FBXO47: variants seen among roughly 807,000 people sequenced by gnomAD.
FBXO47 encodes F-box protein 47.
Under a neutral mutation model 53.9 loss-of-function variants are expected in FBXO47, and 34 were observed. That is an observed-to-expected ratio of 0.63 (90% CI 0.48 to 0.84). The LOEUF (loss-of-function observed/expected upper bound fraction) is 0.84, where lower values mean the gene tolerates loss of function less well. FBXO47 is among the 40% of genes least tolerant of loss of function. FBXO47 has a pLI of 0.00. For missense variants in FBXO47, 485 were observed against 541.3 expected (o/e 0.90, Z 1.03); for synonymous variants, 165 against 181.6 (o/e 0.91, Z 0.73).
At position 38,945,088 on chromosome 17, in the gene FBXO47, A is replaced by G. The variant is rs368285413; in HGVS notation, c.665T>C (p.Val222Ala). Residue 222 changes from valine to alanine, a missense_variant, in exon 7 of 11, where the codon GTC becomes GCC. By Grantham distance (64) the Val-to-Ala change is moderately conservative. Transcript: ENST00000378079. ...TCGATGTGTCCAATGATCAAGGAGG[A>G]CATTCCTACAGAAGAGTCTGATTCT... ...ELRIRLFCRN[V>A]LLDHWTHRSD... 1 of 1,613,782 alleles carries G rather than the reference A, an allele frequency of 6.2e-7. No individual in the cohort carries two copies. Among genetic ancestry groups the G allele is most frequent in the Non-Finnish European group, 8.5e-7 (1 of 1,179,820 alleles).
chr17:38,946,326 A>C (rs1478354974), intron 6 of FBXO47, among the ~76,000 whole-genome samples: 8 of 96,266 alleles, frequency 8.3e-5, no homozygotes, highest in African/African-American at 3.3e-4. Flanking sequence ...ATATATATAA[A>C]TATATAAATA....
chr17:38,956,735 A>C (rs889606059), intron 4 of FBXO47, among the ~76,000 whole-genome samples: 19 of 152,188 alleles, frequency 1.2e-4, no homozygotes, highest in Non-Finnish European at 2.8e-4. Flanking sequence ...AAACATATTA[A>C]TACACATTTC....
At chr17:38,944,499 G>A (rs921052414) in intron 7 of FBXO47, among the ~76,000 whole-genome samples, 14 of 151,488 alleles carry the variant, frequency 9.2e-5, no homozygotes, top group Admixed American at 2.6e-4. Flanking sequence ...TCAGGAGATC[G>A]AGACCATTCT....
At chr17:38,947,872 C>CT (rs1905019646) in intron 6 of FBXO47, among the ~76,000 whole-genome samples, 1 of 152,074 alleles carries the variant, frequency 6.6e-6, no homozygotes, top group Non-Finnish European at 1.5e-5. Flanking sequence ...GATCATACCA[C>CT]TGCACTCTAG....
chr17:38,963,155 G>A, intron 1 of FBXO47, 104 bp from the exon 2 acceptor site: 3 of 662,762 alleles, frequency 4.5e-6, no homozygotes, highest in East Asian at 5.3e-5. Flanking sequence ...ATATGCAATA[G>A]CTGTTTCTCT....
intron 1 of FBXO47, among the ~76,000 whole-genome samples, chr17:38,964,911 A>G (rs576052543): frequency 1.2e-3 from 178 of 152,096 alleles, no homozygotes; most frequent in Middle Eastern, 3.4e-3. Flanking sequence ...TCCCCCTCCC[A>G]GGTTCAAGTG....
chr17:38,944,700 CAA>C (rs869294898), intron 7 of FBXO47, among the ~76,000 whole-genome samples: 5,813 of 90,878 alleles, frequency 0.064, 381 homozygotes, highest in African/African-American at 0.21. Flanking sequence ...GACTCCGTCT[CAA>C]AAAAAAAAAA....
intron 8 of FBXO47, 133 bp downstream of exon 8, chr17:38,943,455 CTT>C (rs1196451661): frequency 7.5e-6 from 4 of 532,900 alleles, no homozygotes; most frequent in African/African-American, 6.0e-5. Context: ...ATGCCAAACT[CTT>C]TAAATATTTT....
At position 38,943,748 on chromosome 17, in the gene FBXO47, CA is replaced by C. The variant is rs774591143; in HGVS notation, c.794-13del. 1 of 1,592,890 alleles carries C rather than the reference CA, an allele frequency of 6.3e-7. No homozygotes were observed. On this transcript the variant is annotated splice_polypyrimidine_tract_variant and intron_variant, in intron 7 of 10. Coordinates refer to ENST00000378079, the MANE Select transcript of FBXO47 (RefSeq NM_001008777.3). ...CCAAACCACCTGTCCTGAATTGAAA[CA>C]AAAACGAGGCTATGACAGAATAGTT...
At chr17:38,948,484 G>A (rs1905048885) in intron 6 of FBXO47, among the ~76,000 whole-genome samples, 1 of 151,832 alleles carries the variant, frequency 6.6e-6, no homozygotes, top group Admixed American at 6.6e-5. Context: ...CAAAGTGCTG[G>A]GATTACAGGT....
At position 38,937,265 on chromosome 17, in the gene FBXO47, GCTT is replaced by G. The variant is rs1915601846; in HGVS notation, c.1266_1268del (p.Arg422del). On this transcript the variant is annotated inframe_deletion, in exon 11 of 11. Coordinates refer to ENST00000378079, the MANE Select transcript of FBXO47 (RefSeq NM_001008777.3). ...GTACAAGATGGAACAAATTCAAAAA[GCTT>G]CTGTCATCTTCATCACGGTCTCCTA... 18 of 1,605,222 alleles carry G rather than the reference GCTT, an allele frequency of 1.1e-5. No homozygotes were observed. Among genetic ancestry groups the G allele is most frequent in the Non-Finnish European group, 1.3e-5 (15 of 1,173,068 alleles).
At chr17:38,949,964 A>G (rs1400383700) in intron 6 of FBXO47, among the ~76,000 whole-genome samples, 1 of 152,134 alleles carries the variant, frequency 6.6e-6, no homozygotes, top group Non-Finnish European at 1.5e-5. Context: ...AACCATTTAA[A>G]GTGTGCAATT....
intron 6 of FBXO47, among the ~76,000 whole-genome samples, chr17:38,950,504 C>T (rs62075197): frequency 0.13 from 18,646 of 139,286 alleles, 1,750 homozygotes; most frequent in East Asian, 0.29. Context: ...CTTGCTATGT[C>T]GCCCAGGCTG....
rs748647479 is a variant in FBXO47 at position 38,942,912 on chromosome 17, G to A, written c.949C>T (p.Arg317Cys). 8.7e-6 allele frequency: 14 copies of A among 1,603,868 alleles called. No homozygotes were observed. The highest frequency in any genetic ancestry group is 6.8e-5 in the South Asian group (6 of 88,608). ...GCATTATTCTCTAGAAGCCACTCAC[G>A]GGGAACCACTTTTATTAGAGGAAGA... is the stretch of plus-strand genomic sequence containing the variant. Reference protein sequence around the residue: ...SLVDELSVVPREWLLENNARL... With the variant: ...SLVDELSVVPCEWLLENNARL... The change falls in exon 9 of 11, where the codon CGT becomes TGT. Residue 317 changes from arginine to cysteine, a missense_variant. Coordinates refer to ENST00000378079, the MANE Select transcript of FBXO47 (RefSeq NM_001008777.3).
chr17:38,951,476 G>A, intron 6 of FBXO47, 105 bp downstream of exon 6: 1 of 778,290 alleles, frequency 1.3e-6, no homozygotes, highest in Non-Finnish European at 2.0e-6. Context: ...TTTTAGGCAT[G>A]AGCCACTACA....
At chr17:38,946,371 TATATATATAA>T (rs1361238574) in intron 6 of FBXO47, among the ~76,000 whole-genome samples, 1 of 84,644 alleles carries the variant, frequency 1.2e-5, no homozygotes, top group Non-Finnish European at 1.9e-5. Flanking sequence ...AATATATAGA[TATATATATAA>T]ATATATATAT....
intron 9 of FBXO47, among the ~76,000 whole-genome samples, 187 bp downstream of exon 9, chr17:38,942,591 C>CA (rs1374692267): frequency 6.6e-6 from 1 of 151,860 alleles, no homozygotes; most frequent in African/African-American, 2.4e-5. Context: ...GAGACTGTCT[C>CA]AAAAAACAAA....
chr17:38,945,665 C>A (rs6503737), intron 6 of FBXO47, among the ~76,000 whole-genome samples: 5 of 151,378 alleles, frequency 3.3e-5, no homozygotes, highest in African/African-American at 9.7e-5. Flanking sequence ...GGCCGGGTGC[C>A]GTGGCTCACA....
chr17:38,944,191 A>ATATG (rs1555560305), intron 7 of FBXO47, among the ~76,000 whole-genome samples: 1 of 133,614 alleles, frequency 7.5e-6, no homozygotes, highest in Admixed American at 7.7e-5. Context: ...CAAAAAAAAC[A>ATATG]TGTGTGTGTG....
Sources: allele counts gnomAD v4.1 joint callset (sites outside exome capture counted in the v4.1 genomes callset), GRCh38; gene constraint gnomAD v4.1.1; transcripts MANE v1.5; gene names NCBI Gene and HGNC (gene_info 2026-07-23, HGNC 2026-07-21).